The following OLA1 variants were observed in gnomAD, a reference collection of about 807,000 sequenced individuals.
The protein encoded by OLA1 is Obg like ATPase 1.
Under a neutral mutation model 48.4 loss-of-function variants are expected in OLA1, and 14 were observed. The ratio of observed to expected loss-of-function variants is 0.29; its 90% confidence interval spans 0.19 to 0.45. The LOEUF is 0.45. Among genes scored for constraint, OLA1 ranks in the 20% least tolerant of loss-of-function variants. The pLI is 1.00. For missense variants in OLA1, 325 were observed against 467.1 expected (o/e 0.70, Z 2.80); for synonymous variants, 127 against 150.4 (o/e 0.84, Z 1.14).
intron 5 of OLA1, among the ~76,000 whole-genome samples, chr2:174,134,220 T>G (rs1383395717): frequency 3.3e-5 from 5 of 152,266 alleles, no homozygotes; most frequent in African/African-American, 1.2e-4. Flanking sequence ...GTTCATATGG[T>G]AAGTCTATAA....
Position 174,079,085 on chromosome 2 carries a change from C to T in OLA1, c.972G>A (p.Gly324=). Residue 324 remains glycine (G), a synonymous_variant, in exon 10 of 11, where the codon GGG becomes GGA. Transcript: ENST00000284719. ...TTCCTGCAGCCTGAGGAGCCTTAGT[C>T]CCTTTCTTTGAAAAGAAAGACCAGA... ...DEVRAWTIRK[G]TKAPQAAGKI... is the part of the protein sequence containing the mutation. 2 of 1,584,474 alleles carry T rather than the reference C, an allele frequency of 1.3e-6. No homozygotes were observed. The highest frequency in any genetic ancestry group is 1.7e-6 in the Non-Finnish European group (2 of 1,168,918).
chr2:174,247,328 A>T, intron 1 of OLA1: 1 of 201,144 alleles, frequency 5.0e-6, no homozygotes, highest in East Asian at 1.1e-4. Context: ...CGCCAAGATC[A>T]CGCCACTGGG....
intron 4 of OLA1, among the ~76,000 whole-genome samples, chr2:174,214,344 T>C (rs1195530110): frequency 1.3e-5 from 2 of 151,852 alleles, no homozygotes; most frequent in African/African-American, 2.4e-5. Flanking sequence ...AAAAAATAAA[T>C]AAATAAACAG....
At chr2:174,247,537 A>G in intron 1 of OLA1, 2 of 1,368,310 alleles carry the variant, frequency 1.5e-6, no homozygotes, top group South Asian at 2.8e-5. Context: ...CACAGAAGAC[A>G]GTCAAAGAAA....
chr2:174,160,687 G>A (rs1298771566), intron 4 of OLA1, among the ~76,000 whole-genome samples: 4 of 152,122 alleles, frequency 2.6e-5, no homozygotes, highest in African/African-American at 4.8e-5. Context: ...TTTGTTTGGC[G>A]CCATGGTCCT....
intron 1 of OLA1, chr2:174,248,036 C>T (rs10209474): frequency 0.41 from 133,777 of 326,940 alleles, 27,837 homozygotes; most frequent in Middle Eastern, 0.47. Context: ...TCCCTGACCC[C>T]GAGGGCCAGG....
intron 7 of OLA1, among the ~76,000 whole-genome samples, chr2:174,116,597 G>A (rs998689686): frequency 1.3e-5 from 2 of 152,190 alleles, no homozygotes; most frequent in African/African-American, 2.4e-5. Context: ...GGTCTTATCT[G>A]TAACCCAGCC....
chr2:174,107,572 C>T (rs1426814176), intron 7 of OLA1, among the ~76,000 whole-genome samples: 2 of 152,096 alleles, frequency 1.3e-5, no homozygotes, highest in African/African-American at 4.8e-5. Context: ...AAAAACATTT[C>T]CCCAAATTAA....
chr2:174,128,529 A>G (rs945574878), intron 5 of OLA1, among the ~76,000 whole-genome samples: 1 of 152,020 alleles, frequency 6.6e-6, no homozygotes, highest in African/African-American at 2.4e-5. Context: ...CAGGAGTTTG[A>G]GAACAGCTTG....
intron 4 of OLA1, among the ~76,000 whole-genome samples, chr2:174,168,446 G>A (rs10195413): frequency 0.53 from 80,869 of 151,580 alleles, 22,126 homozygotes; most frequent in East Asian, 0.94. Context: ...ACCTAGAATC[G>A]CCATAATGTA....
At chr2:174,089,751 A>C (rs1238810980) in intron 7 of OLA1, among the ~76,000 whole-genome samples, 1 of 151,656 alleles carries the variant, frequency 6.6e-6, no homozygotes, top group Non-Finnish European at 1.5e-5. Context: ...AAAATACAAA[A>C]ATTATCCAGG....
intron 4 of OLA1, among the ~76,000 whole-genome samples, chr2:174,166,543 A>T (rs988293170): frequency 6.6e-5 from 10 of 152,340 alleles, no homozygotes; most frequent in African/African-American, 2.4e-4. Context: ...TGTATCACAG[A>T]TCTAGGTAAA....
chr2:174,085,271 G>C (rs981570682), intron 7 of OLA1, among the ~76,000 whole-genome samples: 1 of 152,212 alleles, frequency 6.6e-6, no homozygotes, highest in Non-Finnish European at 1.5e-5. Context: ...ACTGGTACCA[G>C]GCCATGGCCT....
intron 7 of OLA1, among the ~76,000 whole-genome samples, chr2:174,119,738 T>A (rs1225724097): frequency 6.6e-6 from 1 of 152,106 alleles, no homozygotes; most frequent in African/African-American, 2.4e-5. Context: ...ATAAGAATAA[T>A]AAAACATTTT....
Position 174,081,166 on chromosome 2 carries a change from C to A in OLA1, c.952G>T (p.Ala318Ser). The A allele has an allele frequency of 6.2e-7, 1 of 1,611,622 alleles. No individual in the cohort carries two copies. The highest frequency in any genetic ancestry group is 8.5e-7 in the Non-Finnish European group (1 of 1,178,250). Reference protein sequence around the residue: ...FFTAGPDEVRAWTIRKGTKAP... With the variant: ...FFTAGPDEVRSWTIRKGTKAP... ...ATGAATCTTACCCTGATGGTCCATG[C>A]ACGCACTTCATCTGGGCCTGCAGTG... Residue 318 changes from alanine (A) to serine (S), a missense_variant, in exon 9 of 11, where the codon GCA becomes TCA. By Grantham distance (99) the Ala-to-Ser change is moderately conservative. Transcript: ENST00000284719.
At position 174,243,682 on chromosome 2, in the gene OLA1, T is replaced by C. The variant is rs576899033; in HGVS notation, c.101+3033A>G. Among the ~76,000 whole-genome samples, 5 of 152,320 alleles carry C rather than the reference T, an allele frequency of 3.3e-5. 1 individual carries two copies. The South Asian group carries it at 1.0e-3, about 32-fold the overall frequency. Reference sequence around the variant, plus strand: ...ATTTAAATTGCAATGGAGGGGAATGTCAAACCACTTATTAAATTAGATAAT... The same window carrying C: ...ATTTAAATTGCAATGGAGGGGAATGCCAAACCACTTATTAAATTAGATAAT... On this transcript the variant is annotated intron_variant, in intron 2 of 10. Coordinates refer to ENST00000284719, the MANE Select transcript of OLA1 (RefSeq NM_013341.5).
In OLA1 at chr2:174,172,126, A is replaced by T. The variant is rs186431762; in HGVS notation, c.374-30126T>A. On this transcript the variant is annotated intron_variant, in intron 4 of 10. Transcript: ENST00000284719. ...TGTACACCAGACTGCCATAAAGAAT[A>T]ACCCCAAGAAGTACCTTGGCAGTGG... The T allele has an allele frequency of 8.3e-4, 180 of 217,890 alleles. 1 individual carries two copies. Among genetic ancestry groups the T allele is most frequent in the African/African-American group, 3.9e-3 (167 of 43,278 alleles). 13.5% of individuals were successfully genotyped at this position (217,890 alleles called of 1,614,324 possible).
At position 174,073,084 on chromosome 2, in the gene OLA1, C is replaced by G. The variant is rs1372768100; in HGVS notation, c.*2342G>C. 1.3e-5 allele frequency: 2 copies of G among 152,220 alleles called. No individual in the cohort carries two copies. The highest frequency in any genetic ancestry group is 1.3e-4 in the Admixed American group (2 of 15,262). The allele number at this position is 152,220 out of a possible 1,614,324, so 9.4% of individuals were successfully genotyped here. ...GTAGCCTCCACCTCCCAGGCTCAAG[C>G]GATCGATCAATCCTCCCATCTCAGC... On this transcript the variant is annotated 3_prime_UTR_variant, in exon 11 of 11. Coordinates refer to ENST00000284719, the MANE Select transcript of OLA1 (RefSeq NM_013341.5).
At chr2:174,222,976 T>C (rs1320402956) in intron 4 of OLA1, 57 bp downstream of exon 4, 3 of 1,520,442 alleles carry the variant, frequency 2.0e-6, no homozygotes, top group Non-Finnish European at 2.7e-6. Context: ...TGTGCACTAA[T>C]GGAAAGAAAA....
Sources: gnomAD v4.1 joint callset for allele counts (sites outside exome capture counted in the v4.1 genomes callset) on GRCh38, gnomAD v4.1.1 for gene constraint, MANE v1.5 for transcripts, NCBI Gene and HGNC (gene_info 2026-07-23, HGNC 2026-07-21) for gene names.